Variants in RYR3 observed in about 807,000 individuals in gnomAD.
RYR3 encodes the protein ryanodine receptor 3.
Under a neutral mutation model 584.3 loss-of-function variants are expected in RYR3, and 207 were observed. The observed-to-expected ratio is 0.35, with a 90% CI of 0.32 to 0.40. The LOEUF (loss-of-function observed/expected upper bound fraction) is 0.40. RYR3 is among the 10% of genes least tolerant of loss of function. The pLI, the probability that RYR3 is intolerant of heterozygous loss-of-function variation, is 1.00. For missense variants in RYR3, 5,616 were observed against 6,089.2 expected, an observed-to-expected ratio of 0.92 and a Z score of 2.59; for synonymous variants, 2,416 against 2,248.5, an observed-to-expected ratio of 1.07 and a Z score of -2.11.
In RYR3 at chr15:33,659,918, GC is replaced by G. The variant is rs1371840680; in HGVS notation, c.4395+118del. 5 of 744,662 alleles carry G rather than the reference GC, an allele frequency of 6.7e-6. No individual in the cohort carries two copies. The African/African-American group carries it at 7.0e-5, about 10-fold the overall frequency. The allele number at this position is 744,662 out of a possible 1,614,324, so 46.1% of individuals were successfully genotyped here. A position where few individuals can be genotyped will look rare whatever the true frequency, so the allele number is the denominator to read the frequency against. ...GGAGAAGCCTGTTCACTTCCCATAA[GC>G]CCCCCACCCCCAGGCCCTGCCCTTT... is the stretch of plus-strand genomic sequence containing the variant. On this transcript the variant is annotated intron_variant, in intron 33 of 103. Coordinates refer to ENST00000634891, the MANE Select transcript of RYR3 (RefSeq NM_001036.6).
rs1382943290 is a variant in RYR3, at chr15:33,838,007, C to G, written c.12027C>G (p.Ser4009=). Residue 4009 remains serine, a synonymous_variant, in exon 89 of 104, where the codon TCC becomes TCG. Transcript: ENST00000634891. ...TTTCTGAACACATGCCAAACGATTC[C>G]CGCCTGAAGTGTCTGTTGGACCCAG... The part of the protein sequence containing the change: ...TNLSEHMPND[S]RLKCLLDPAE... 1 of 1,613,930 alleles carries G rather than the reference C, an allele frequency of 6.2e-7. No individual in the cohort carries two copies. The highest frequency in any genetic ancestry group is 2.2e-5 in the East Asian group (1 of 44,878).
chr15:33,733,089 A>G (rs1307926264), intron 48 of RYR3, among the ~76,000 whole-genome samples: 1 of 152,270 alleles, frequency 6.6e-6, no homozygotes, highest in African/African-American at 2.4e-5. Flanking sequence ...CAGAACACTG[A>G]CAACACCAAA....
At chr15:33,678,049 C>A (rs1478592675) in intron 38 of RYR3, among the ~76,000 whole-genome samples, 1 of 152,192 alleles carries the variant, frequency 6.6e-6, no homozygotes, top group Admixed American at 6.5e-5. Context: ...GAAGGGCCAT[C>A]ATCGTTGGGG....
rs542205794 is a variant in RYR3 at position 33,816,531 on chromosome 15, C to T, written c.10503-331C>T. Among the ~76,000 whole-genome samples the T allele has an allele frequency of 7.2e-5, 11 of 152,306 alleles. No individual in the cohort carries two copies. In the South Asian group the frequency reaches 2.1e-3, roughly 29 times the overall value. On this transcript the variant is annotated intron_variant, in intron 74 of 103. Transcript: ENST00000634891. ...CCTAAATTGCCATATGAAGCAAATA[C>T]TTCAGGACTGTTACTTGGCCTAATG...
intron 1 of RYR3, among the ~76,000 whole-genome samples, chr15:33,457,221 G>A (rs553955564): frequency 1.1e-4 from 16 of 152,214 alleles, no homozygotes; most frequent in Admixed American, 7.8e-4. Flanking sequence ...GACTCCTGCC[G>A]CTGAGAAGGA....
chr15:33,700,258 T>C (rs2066203292), intron 41 of RYR3, among the ~76,000 whole-genome samples: 1 of 152,190 alleles, frequency 6.6e-6, no homozygotes, highest in South Asian at 2.1e-4. Flanking sequence ...TGCATACCTG[T>C]CCATCAACCT....
At chr15:33,582,560 G>A (rs568707261) in intron 14 of RYR3, among the ~76,000 whole-genome samples, 16 of 152,098 alleles carry the variant, frequency 1.1e-4, no homozygotes, top group Non-Finnish European at 1.9e-4. Context: ...CTTTGTGAGC[G>A]GTGAAATATC....
Position 33,837,962 on chromosome 15 carries a change from G to A in RYR3, c.11982G>A (p.Val3994=), listed in dbSNP as rs750822008. The A allele has an allele frequency of 1.1e-5, 18 of 1,613,962 alleles. No homozygotes were observed. The highest frequency in any genetic ancestry group is 1.5e-5 in the Non-Finnish European group (18 of 1,179,890). ...CAGCCAAGGACATAGGGTTTAATGT[G>A]GCTGTGTTATTGACAAATCTTTCTG... ...HEPAKDIGFN[V]AVLLTNLSEH... is the part of the protein sequence containing the mutation. The change falls in exon 89 of 104, where the codon GTG becomes GTA. Residue 3994 remains valine, a synonymous_variant. Transcript: ENST00000634891.
chr15:33,529,667 G>T (rs184077980), intron 3 of RYR3, among the ~76,000 whole-genome samples: 31 of 152,328 alleles, frequency 2.0e-4, no homozygotes, highest in African/African-American at 2.4e-5. Flanking sequence ...CAAAAAGGGT[G>T]TGTGATCAAA....
chr15:33,699,252 CT>C lies in RYR3; in HGVS notation c.6250-451del, dbSNP rs1363775108. Among the ~76,000 whole-genome samples the C allele has an allele frequency of 3.7e-4, 45 of 120,554 alleles. 1 individual carries two copies. The highest frequency in any genetic ancestry group is 4.1e-3 in the Middle Eastern group (1 of 244). The allele number at this position is 120,554 out of a possible 152,430, so 79.1% of individuals were successfully genotyped here. On this transcript the variant is annotated intron_variant, in intron 40 of 103. Coordinates refer to ENST00000634891, the MANE Select transcript of RYR3 (RefSeq NM_001036.6). ...TGTCTGTCTGTCTCTCTCTCTCTCT[CT>C]CCCCCCCTTTCTCTCTCTCCCCCCT...
At chr15:33,722,964 A>G (rs1196818463) in intron 44 of RYR3, 69 bp downstream of exon 44, 2 of 1,336,550 alleles carry the variant, frequency 1.5e-6, no homozygotes, top group East Asian at 2.3e-5. Flanking sequence ...TGGTATACGG[A>G]TGATTTAGGA....
At chr15:33,591,948 A>G (rs2059150260) in intron 16 of RYR3, among the ~76,000 whole-genome samples, 1 of 152,200 alleles carries the variant, frequency 6.6e-6, no homozygotes, top group African/African-American at 2.4e-5. Context: ...GCAGCAGCCA[A>G]ACAGTGTTTC....
chr15:33,820,810 G>A lies in RYR3; in HGVS notation c.10813G>A (p.Glu3605Lys), dbSNP rs369689229. ...AGATGAAGACAAGGAAAAAACATTC[G>A]AAGTAAGTTCTCATGAAGAATAAAA... The part of the protein sequence containing the change: ...EEDEDKEKTF[E>K]EKEMEKQKTL... Residue 3605 changes from glutamate (E) to lysine (K), a missense_variant and splice_region_variant, in exon 78 of 104, where the codon GAA (glutamate) becomes AAA (lysine). By Grantham distance (56) the Glu-to-Lys change is moderately conservative. Coordinates refer to ENST00000634891, the MANE Select transcript of RYR3 (RefSeq NM_001036.6). 1.7e-5 allele frequency: 26 copies of A among 1,573,580 alleles called. No homozygotes were observed. In the Admixed American group the frequency reaches 2.9e-4, roughly 18 times the overall value.
chr15:33,804,382 T>C (rs796738280), intron 69 of RYR3, among the ~76,000 whole-genome samples: 3 of 152,286 alleles, frequency 2.0e-5, no homozygotes, highest in African/African-American at 7.2e-5. Context: ...TAGTGGTAAA[T>C]AGACCAGAAG....
At chr15:33,833,934 A>G (rs1343257968) in intron 86 of RYR3, among the ~76,000 whole-genome samples, 1 of 152,194 alleles carries the variant, frequency 6.6e-6, no homozygotes. Context: ...GTAGAAAAAA[A>G]TAGACTGTAA....
At chr15:33,694,030 T>A (rs1366272104) in intron 38 of RYR3, among the ~76,000 whole-genome samples, 5 of 152,074 alleles carry the variant, frequency 3.3e-5, no homozygotes, top group Non-Finnish European at 5.9e-5. Flanking sequence ...TTACTTTTCT[T>A]GAAAATCTCA....
At chr15:33,775,193 A>G (rs1310610010) in intron 64 of RYR3, among the ~76,000 whole-genome samples, 4 of 152,186 alleles carry the variant, frequency 2.6e-5, no homozygotes, top group African/African-American at 9.7e-5. Flanking sequence ...ATGTTGGTAG[A>G]AGTCAAGGCT....
chr15:33,757,452 T>C, intron 59 of RYR3, 23 bp from the exon 60 acceptor site: 4 of 1,593,892 alleles, frequency 2.5e-6, no homozygotes, highest in Non-Finnish European at 3.4e-6. Flanking sequence ...TTCCTAGAAG[T>C]TGATTTCTGG....
intron 90 of RYR3, 123 bp from the exon 91 acceptor site, chr15:33,841,741 A>T: frequency 2.1e-6 from 2 of 949,214 alleles, no homozygotes; most frequent in Non-Finnish European, 3.1e-6. Flanking sequence ...TGAAGTTTCC[A>T]CCTTCAAGGA....
Sources: gnomAD v4.1 joint callset for allele counts (sites outside exome capture counted in the v4.1 genomes callset) on GRCh38, gnomAD v4.1.1 for gene constraint, MANE v1.5 for transcripts, NCBI Gene and HGNC (gene_info 2026-07-23, HGNC 2026-07-21) for gene names.